The following CHN1 variants were observed in gnomAD, a reference collection of about 807,000 sequenced individuals.
CHN1 encodes N-chimaerin.
CHN1 carries 37 observed loss-of-function variants against 59.5 expected under a neutral mutation model. The observed-to-expected ratio is 0.62, with a 90% CI of 0.48 to 0.82. CHN1 has a LOEUF of 0.82. Among genes scored for constraint, CHN1 ranks in the 40% least tolerant of loss-of-function variants. CHN1 has a pLI of 0.00. For missense variants in CHN1, 469 were observed against 571.0 expected (o/e 0.82, Z 1.82); for synonymous variants, 206 against 200.4 (o/e 1.03, Z -0.24).
intron 5 of CHN1, 30 bp from the exon 6 acceptor site, chr2:174,878,158 TA>T (rs1687629301): frequency 6.7e-7 from 1 of 1,495,740 alleles, no homozygotes; most frequent in Non-Finnish European, 8.9e-7. Flanking sequence ...AAGATGTTTT[TA>T]AGAAAAGTAA....
intron 5 of CHN1, among the ~76,000 whole-genome samples, chr2:174,896,785 C>T (rs1300982308): frequency 6.6e-6 from 1 of 152,090 alleles, no homozygotes; most frequent in African/African-American, 2.4e-5. Context: ...TTCTAGTTTT[C>T]CTGTTTCCAA....
intron 1 of CHN1, among the ~76,000 whole-genome samples, chr2:174,985,823 T>A (rs919851961): frequency 7.9e-5 from 12 of 152,186 alleles, no homozygotes; most frequent in Admixed American, 2.0e-4. Flanking sequence ...AGATGTTCCT[T>A]CTTAAATTTT....
chr2:174,990,349 G>T (rs1691506240), intron 1 of CHN1, among the ~76,000 whole-genome samples: 1 of 149,938 alleles, frequency 6.7e-6, no homozygotes, highest in African/African-American at 2.5e-5. Context: ...GCAAGATGGA[G>T]AGGGAGGGAG....
intron 1 of CHN1, among the ~76,000 whole-genome samples, chr2:174,988,110 A>T (rs1463462912): frequency 2.0e-5 from 3 of 152,176 alleles, no homozygotes; most frequent in Non-Finnish European, 4.4e-5. Context: ...CTGTAATCCC[A>T]GCACTTTGGG....
chr2:174,921,261 T>A (rs545253826), intron 3 of CHN1, among the ~76,000 whole-genome samples: 1 of 152,352 alleles, frequency 6.6e-6, no homozygotes, highest in East Asian at 1.9e-4. Flanking sequence ...TTGTCTGAGC[T>A]ATTTTGGTAC....
At chr2:174,808,428 C>T (rs185320540) in intron 11 of CHN1, among the ~76,000 whole-genome samples, 8 of 152,136 alleles carry the variant, frequency 5.3e-5, no homozygotes, top group Non-Finnish European at 1.0e-4. Flanking sequence ...GGACTACAGG[C>T]GCGTGCCACC....
In CHN1 at chr2:174,841,220, C is replaced by G. The variant is rs148355453; in HGVS notation, c.627+5660G>C. Among the ~76,000 whole-genome samples, 106 of 152,232 alleles carry G rather than the reference C, an allele frequency of 7.0e-4. 1 individual carries two copies. The East Asian group carries it at 0.019, about 28-fold the overall frequency. Reference sequence around the variant, plus strand: ...CTGATAACCTTAAGGATCTGAATGACTTGTACTCGGGGTGTCATACCAGTT... The same window carrying G: ...CTGATAACCTTAAGGATCTGAATGAGTTGTACTCGGGGTGTCATACCAGTT... On this transcript the variant is annotated intron_variant, in intron 7 of 12. Coordinates refer to ENST00000409900, the MANE Select transcript of CHN1 (RefSeq NM_001822.7).
At chr2:174,855,417 A>C (rs930671877) in intron 6 of CHN1, among the ~76,000 whole-genome samples, 6 of 152,202 alleles carry the variant, frequency 3.9e-5, no homozygotes, top group African/African-American at 1.4e-4. Context: ...TGCAATTTCT[A>C]TAAAATGTTA....
At position 174,824,431 on chromosome 2, in the gene CHN1, T is replaced by C. The variant is rs1225435230; in HGVS notation, c.712+3A>G. ...AATCCAGAGACAAGACAAGAGCTCT[T>C]ACCTGCACATTTCACTCCCTGAGCA... On this transcript the variant is annotated splice_donor_region_variant and intron_variant, in intron 8 of 12. Coordinates refer to ENST00000409900, the MANE Select transcript of CHN1 (RefSeq NM_001822.7). 6.9e-6 allele frequency: 11 copies of C among 1,596,068 alleles called. No individual in the cohort carries two copies. The South Asian group carries it at 1.0e-4, about 15-fold the overall frequency.
At chr2:174,873,826 C>T (rs1262708761) in intron 6 of CHN1, among the ~76,000 whole-genome samples, 1 of 152,160 alleles carries the variant, frequency 6.6e-6, no homozygotes, top group Non-Finnish European at 1.5e-5. Flanking sequence ...CCAAGCACTG[C>T]ATTCATTCCA....
At chr2:174,807,446 CTGTGTGTG>C (rs71031071) in intron 11 of CHN1, among the ~76,000 whole-genome samples, 5,362 of 83,724 alleles carry the variant, frequency 0.064, 184 homozygotes, top group Middle Eastern at 0.073. Flanking sequence ...CACGGGCTAT[CTGTGTGTG>C]TGTGTGTGTG....
At chr2:174,885,303 T>C (rs114860851) in intron 5 of CHN1, among the ~76,000 whole-genome samples, 1 of 148,038 alleles carries the variant, frequency 6.8e-6, no homozygotes, top group African/African-American at 2.5e-5. Flanking sequence ...TATATATATA[T>C]AGAGAGAGAG....
At chr2:174,813,980 A>T (rs1483439935) in intron 8 of CHN1, among the ~76,000 whole-genome samples, 1 of 152,220 alleles carries the variant, frequency 6.6e-6, no homozygotes, top group Admixed American at 6.5e-5. Flanking sequence ...GCTGTGATCT[A>T]GTTATATATA....
chr2:174,881,463 A>T (rs1478218750), intron 5 of CHN1, among the ~76,000 whole-genome samples: 1 of 152,166 alleles, frequency 6.6e-6, no homozygotes, highest in African/African-American at 2.4e-5. Context: ...CATCTAAAAA[A>T]TAGGAATAAC....
intron 5 of CHN1, among the ~76,000 whole-genome samples, chr2:174,885,060 G>A (rs1687852685): frequency 6.6e-6 from 1 of 151,912 alleles, no homozygotes; most frequent in Non-Finnish European, 1.5e-5. Context: ...GGCCAAGGTG[G>A]GCGGATCACG....
intron 12 of CHN1, among the ~76,000 whole-genome samples, chr2:174,800,690 T>C (rs555943401): frequency 6.6e-6 from 1 of 152,292 alleles, no homozygotes; most frequent in Non-Finnish European, 1.5e-5. Flanking sequence ...GTTTTGCAAG[T>C]AGACAGTTGA....
intron 6 of CHN1, among the ~76,000 whole-genome samples, chr2:174,862,139 A>T (rs1481385318): frequency 1.3e-5 from 2 of 152,004 alleles, no homozygotes; most frequent in East Asian, 1.9e-4. Context: ...ATATTGTTTT[A>T]AAAAAAACTT....
chr2:174,899,870 T>C (rs370747949), intron 5 of CHN1, among the ~76,000 whole-genome samples: 4 of 152,334 alleles, frequency 2.6e-5, no homozygotes, highest in African/African-American at 7.2e-5. Context: ...TTAAGAATTA[T>C]ACCATATGGT....
intron 5 of CHN1, among the ~76,000 whole-genome samples, chr2:174,879,603 GT>G (rs1206778416): frequency 6.6e-6 from 1 of 152,052 alleles, no homozygotes; most frequent in Non-Finnish European, 1.5e-5. Context: ...AAATATAAAA[GT>G]TTTTCAGTTT....
Sources: allele counts gnomAD v4.1 joint callset (sites outside exome capture counted in the v4.1 genomes callset), GRCh38; gene constraint gnomAD v4.1.1; transcripts MANE v1.5; gene names NCBI Gene and HGNC (gene_info 2026-07-23, HGNC 2026-07-21).